BICD1: variants seen among roughly 807,000 people sequenced by gnomAD.
BICD1 encodes the protein BICD cargo adaptor 1.
Under a neutral mutation model 92.5 loss-of-function variants are expected in BICD1, and 35 were observed. The observed-to-expected ratio is 0.38, with a 90% CI of 0.29 to 0.50. The LOEUF (loss-of-function observed/expected upper bound fraction) is 0.50, where lower values mean the gene tolerates loss of function less well. BICD1 is among the 20% of genes least tolerant of loss of function. The probability of loss-of-function intolerance (pLI) is 0.93; values close to 1 mark genes in which losing one functional copy is unlikely to be tolerated. For missense variants in BICD1, 950 were observed against 1,189.8 expected (o/e 0.80, Z 2.97); for synonymous variants, 429 against 465.1 (o/e 0.92, Z 1.00).
chr12:32,248,855 T>C (rs1228288592), intron 2 of BICD1, among the ~76,000 whole-genome samples: 1 of 152,254 alleles, frequency 6.6e-6, no homozygotes, highest in Non-Finnish European at 1.5e-5. Flanking sequence ...AGTTGAATAC[T>C]GTGCTTAAGG....
chr12:32,108,888 T>C, intron 1 of BICD1: 1 of 486,136 alleles, frequency 2.1e-6, no homozygotes, highest in Admixed American at 3.6e-5. Context: ...CAGCTGGACT[T>C]GTTTATATTT....
At position 32,337,457 on chromosome 12, in the gene BICD1, C is replaced by G; in HGVS notation, c.2253-42C>G. 6.4e-7 allele frequency: 1 copy of G among 1,557,938 alleles called. No individual in the cohort carries two copies. The highest frequency in any genetic ancestry group is 8.7e-7 in the Non-Finnish European group (1 of 1,145,526). On this transcript the variant is annotated intron_variant, in intron 6 of 9. Coordinates refer to ENST00000652176, the MANE Select transcript of BICD1 (RefSeq NM_001714.4). This position sits in a 1 kb window ranked among gnomAD's most constrained non-coding sequence, Gnocchi z 4.7. ...TCAGCTTAACTCCCAAATTCAGTTT[C>G]ACCAAGATTTTCCTCTGACCACTTC... is the stretch of plus-strand genomic sequence containing the variant.
intron 8 of BICD1, among the ~76,000 whole-genome samples, chr12:32,341,647 A>T (rs1938371371): frequency 6.6e-6 from 1 of 152,186 alleles, no homozygotes; most frequent in Non-Finnish European, 1.5e-5. Flanking sequence ...GGAATTTTTA[A>T]TTATGTATCG....
intron 1 of BICD1, among the ~76,000 whole-genome samples, chr12:32,113,312 G>T (rs1165031785): frequency 6.6e-6 from 1 of 152,146 alleles, no homozygotes; most frequent in Non-Finnish European, 1.5e-5. Flanking sequence ...ATAGGAGGTG[G>T]TTCTATTTAC....
intron 1 of BICD1, among the ~76,000 whole-genome samples, chr12:32,132,591 T>C (rs17585555): frequency 0.1 from 15,624 of 151,974 alleles, 1,064 homozygotes; most frequent in Middle Eastern, 0.2. Context: ...ACAAAAACAG[T>C]CACACATTCT....
intron 1 of BICD1, among the ~76,000 whole-genome samples, chr12:32,182,909 T>TTTTTTTTTA (rs1565571045): frequency 2.3e-5 from 3 of 130,064 alleles, no homozygotes; most frequent in South Asian, 2.8e-4. Context: ...TTTTTTTTTT[T>TTTTTTTTTA]AAAGAGATAG....
chr12:32,348,027 T>C (rs1938694866), intron 8 of BICD1, among the ~76,000 whole-genome samples: 2 of 152,208 alleles, frequency 1.3e-5, no homozygotes, highest in African/African-American at 4.8e-5. Flanking sequence ...CATTCCATGC[T>C]ACAAATTGGA....
chr12:32,241,261 T>C (rs7956048), intron 2 of BICD1, among the ~76,000 whole-genome samples: 19,133 of 152,212 alleles, frequency 0.13, 1,998 homozygotes, highest in African/African-American at 0.28. Flanking sequence ...ACCTACTCTG[T>C]GCAAACGCTT....
chr12:32,279,600 TTAAAA>T (rs1375630764), intron 2 of BICD1, among the ~76,000 whole-genome samples: 3 of 152,226 alleles, frequency 2.0e-5, no homozygotes, highest in Non-Finnish European at 2.9e-5. Context: ...TTTCAACTGT[TTAAAA>T]TAAAAGGGCC....
chr12:32,343,266 T>C (rs576493460), intron 8 of BICD1, among the ~76,000 whole-genome samples: 1 of 152,330 alleles, frequency 6.6e-6, no homozygotes, highest in South Asian at 2.1e-4. Context: ...TGCCTATTTT[T>C]TAGCCAGCAT....
intron 8 of BICD1, among the ~76,000 whole-genome samples, chr12:32,348,721 AAAATATATATATATATATATATATATAT>A (rs1237261668): frequency 1.7e-5 from 2 of 116,434 alleles, no homozygotes; most frequent in Admixed American, 2.1e-4. Context: ...AGCTCACACA[AAAATATATATATATATATATATATATAT>A]ATATATATAT....
At chr12:32,115,853 T>G (rs1448358740) in intron 1 of BICD1, among the ~76,000 whole-genome samples, 1 of 152,106 alleles carries the variant, frequency 6.6e-6, no homozygotes, top group Non-Finnish European at 1.5e-5. Context: ...CAAGAGCCAG[T>G]CCTGCAGTGT....
chr12:32,176,201 G>A (rs1162174707), intron 1 of BICD1, among the ~76,000 whole-genome samples: 1 of 152,162 alleles, frequency 6.6e-6, no homozygotes, highest in Non-Finnish European at 1.5e-5. Context: ...TCACATGTAA[G>A]TCTCTGTGTG....
chr12:32,234,043 ATT>A (rs1463914616), intron 2 of BICD1, among the ~76,000 whole-genome samples: 2 of 152,328 alleles, frequency 1.3e-5, no homozygotes, highest in East Asian at 3.9e-4. Context: ...TATACCTCAA[ATT>A]ACACTTTTTA....
intron 1 of BICD1, among the ~76,000 whole-genome samples, chr12:32,198,354 T>TATATATATATATATA (rs1944795739): frequency 2.4e-5 from 1 of 41,454 alleles, no homozygotes; most frequent in African/African-American, 9.3e-5. Context: ...ATATATATAT[T>TATATATATATATATA]CCAAAAATAT....
At chr12:32,284,618 A>G (rs1165097485) in intron 2 of BICD1, among the ~76,000 whole-genome samples, 1 of 151,886 alleles carries the variant, frequency 6.6e-6, no homozygotes, top group Admixed American at 6.6e-5. Flanking sequence ...CACCCTCGCA[A>G]CTCTCAACAG....
intron 1 of BICD1, among the ~76,000 whole-genome samples, chr12:32,158,787 C>A (rs1446228013): frequency 6.6e-6 from 1 of 152,172 alleles, no homozygotes; most frequent in East Asian, 1.9e-4. Context: ...GTTTGTGAGC[C>A]CTTCAAAGGC....
chr12:32,356,035 G>A (rs1480511659), intron 8 of BICD1, among the ~76,000 whole-genome samples: 1 of 152,032 alleles, frequency 6.6e-6, no homozygotes, highest in Non-Finnish European at 1.5e-5. Flanking sequence ...CATTTACTTT[G>A]TTTCTCGAAG....
chr12:32,339,813 TAA>T (rs1444895524), intron 8 of BICD1: 1 of 983,568 alleles, frequency 1.0e-6, no homozygotes, highest in African/African-American at 1.7e-5. Context: ...TAAAACTATT[TAA>T]GTTAGTTATT....
Sources: gnomAD v4.1 joint callset for allele counts (sites outside exome capture counted in the v4.1 genomes callset) on GRCh38, gnomAD v4.1.1 for gene constraint, Gnocchi (gnomAD v3.1) non-coding constraint, MANE v1.5 for transcripts, NCBI Gene and HGNC (gene_info 2026-07-23, HGNC 2026-07-21) for gene names.